Variants in FGL1 observed in about 807,000 individuals in gnomAD.
FGL1 encodes the protein fibrinogen like 1.
A neutral mutation model predicts 43.7 loss-of-function variants in FGL1; 59 were observed. The observed-to-expected ratio is 1.35, with a 90% CI of 1.10 to 1.68. The LOEUF is 1.68. Among genes scored for constraint, FGL1 ranks in the 40% most tolerant of loss-of-function variants. The pLI, the probability that FGL1 is intolerant of heterozygous loss-of-function variation, is 0.00. For missense variants in FGL1, 596 were observed against 373.0 expected, an observed-to-expected ratio of 1.60 and a Z score of -4.92; for synonymous variants, 192 against 126.5, an observed-to-expected ratio of 1.52 and a Z score of -3.48.
Position 17,895,315 on chromosome 8 carries a change from C to T in FGL1, c.-18+132G>A, listed in dbSNP as rs188305947. On this transcript the variant is annotated intron_variant, in intron 1 of 7. Transcript: ENST00000427924. ...CTCTTCTCCAAGTAGCAGAAGCAGA[C>T]TCCTTGCTAGTCAACCTGACTTCTT... 6 of 1,122,632 alleles carry T rather than the reference C, an allele frequency of 5.3e-6. No individual in the cohort carries two copies. The South Asian group carries it at 1.0e-4, about 19-fold the overall frequency. The allele number at this position is 1,122,632 out of a possible 1,614,324, so 69.5% of individuals were successfully genotyped here.
At position 17,882,373 on chromosome 8, in the gene FGL1, G is replaced by A. The variant is rs532089290; in HGVS notation, c.64-194C>T. 1,171 of 493,642 alleles carry A rather than the reference G, an allele frequency of 2.4e-3. 7 individuals are homozygous for A. The highest frequency in any genetic ancestry group is 3.4e-3 in the Non-Finnish European group (971 of 282,708). 30.6% of individuals were successfully genotyped at this position (493,642 alleles called of 1,614,324 possible). ...AAGAATTGGAAATTATGGCTTATGC[G>A]AAAACTCCTGGACTCAAAAGATCAA... On this transcript the variant is annotated intron_variant, in intron 2 of 7. Coordinates refer to ENST00000427924, the MANE Select transcript of FGL1 (RefSeq NM_004467.4).
At chr8:17,892,604 T>G (rs1447221618) in intron 1 of FGL1, among the ~76,000 whole-genome samples, 1 of 152,226 alleles carries the variant, frequency 6.6e-6, no homozygotes, top group Non-Finnish European at 1.5e-5. Flanking sequence ...TTCTTCTGAC[T>G]GAAAATAACC....
chr8:17,876,182 A>G (rs530189346), intron 3 of FGL1, among the ~76,000 whole-genome samples: 44 of 152,278 alleles, frequency 2.9e-4, no homozygotes, highest in African/African-American at 1.0e-3. Context: ...TTAACAAAAA[A>G]TTTTTTTCTT....
intron 1 of FGL1, among the ~76,000 whole-genome samples, chr8:17,889,541 C>G (rs914336469): frequency 6.6e-6 from 1 of 152,186 alleles, no homozygotes; most frequent in East Asian, 1.9e-4. Flanking sequence ...CAGAGCGACA[C>G]TCCACCTCAA....
At chr8:17,877,129 T>C (rs893137296) in intron 3 of FGL1, among the ~76,000 whole-genome samples, 12 of 152,146 alleles carry the variant, frequency 7.9e-5, no homozygotes, top group Admixed American at 1.3e-4. Flanking sequence ...AAATATGAAC[T>C]TGATATTTAA....
At chr8:17,865,709 A>G (rs2053260507) in intron 7 of FGL1, among the ~76,000 whole-genome samples, 1 of 152,228 alleles carries the variant, frequency 6.6e-6, no homozygotes. Context: ...TTGTTATGAA[A>G]TTAATTGCCA....
In FGL1 at chr8:17,864,512, A is replaced by T; in HGVS notation, c.*80T>A. ...CTCACAACAGTTATCATGATTGCGC[A>T]TGGATATGTTCAGAATGAGTATTTT... On this transcript the variant is annotated 3_prime_UTR_variant, in exon 8 of 8. Coordinates refer to ENST00000427924, the MANE Select transcript of FGL1 (RefSeq NM_004467.4). 1 of 1,429,630 alleles carries T rather than the reference A, an allele frequency of 7.0e-7. No individual in the cohort carries two copies. The highest frequency in any genetic ancestry group is 1.4e-5 in the South Asian group (1 of 70,614). 88.6% of individuals were successfully genotyped at this position (1,429,630 alleles called of 1,614,324 possible). A position where few individuals can be genotyped will look rare whatever the true frequency, so the allele number is the denominator to read the frequency against.
intron 1 of FGL1, among the ~76,000 whole-genome samples, chr8:17,889,068 G>A (rs145277804): frequency 2.4e-3 from 359 of 152,190 alleles, no homozygotes; most frequent in African/African-American, 8.2e-3. Flanking sequence ...CGTGGCCTGG[G>A]GCATTATATA....
Position 17,871,377 on chromosome 8 carries a change from C to T in FGL1, c.503-2373G>A, listed in dbSNP as rs375282461. Among the ~76,000 whole-genome samples, 29 of 151,676 alleles carry T rather than the reference C, an allele frequency of 1.9e-4. No homozygotes were observed. The East Asian group carries it at 5.1e-3, about 26-fold the overall frequency. Reference sequence around the variant, plus strand: ...GGTGTGGTGGTGTGCGCCTATAATCCCAGCTACTCAGGAGGCTGAGGCATG... The same window carrying T: ...GGTGTGGTGGTGTGCGCCTATAATCTCAGCTACTCAGGAGGCTGAGGCATG... On this transcript the variant is annotated intron_variant, in intron 5 of 7. Coordinates refer to ENST00000427924, the MANE Select transcript of FGL1 (RefSeq NM_004467.4).
chr8:17,892,147 C>G (rs1681719686), intron 1 of FGL1, among the ~76,000 whole-genome samples: 1 of 151,974 alleles, frequency 6.6e-6, no homozygotes, highest in African/African-American at 2.4e-5. Context: ...CTTTAACTAT[C>G]TAATTTTAAA....
At chr8:17,875,540 T>C (rs1386682043) in intron 3 of FGL1, among the ~76,000 whole-genome samples, 374 of 12,604 alleles carry the variant, frequency 0.03, 12 homozygotes, top group Middle Eastern at 0.1. Context: ...TCTTTCTCTT[T>C]CTTTCTTTCT....
At chr8:17,868,190 G>A (rs527973505) in intron 7 of FGL1, 100 of 158,676 alleles carry the variant, frequency 6.3e-4, no homozygotes, top group Non-Finnish European at 9.2e-4. Context: ...GTGTGATATG[G>A]TCAGGTGAAG....
At chr8:17,869,277 T>C (rs917715847) in intron 5 of FGL1, among the ~76,000 whole-genome samples, 1 of 151,130 alleles carries the variant, frequency 6.6e-6, no homozygotes, top group African/African-American at 2.5e-5. Context: ...CACTGAATAA[T>C]GAACAACAGA....
At chr8:17,868,242 T>C in intron 7 of FGL1, 1 of 189,790 alleles carries the variant, frequency 5.3e-6, no homozygotes, top group Non-Finnish European at 1.1e-5. Flanking sequence ...TCCATATATA[T>C]ACATGCTCTC....
intron 1 of FGL1, among the ~76,000 whole-genome samples, chr8:17,887,185 G>A (rs2053640869): frequency 6.6e-6 from 1 of 152,022 alleles, no homozygotes; most frequent in Non-Finnish European, 1.5e-5. Context: ...CACTTTCCAG[G>A]CCAAAGAACA....
At chr8:17,866,488 T>C (rs9942825) in intron 7 of FGL1, among the ~76,000 whole-genome samples, 6,738 of 152,300 alleles carry the variant, frequency 0.044, 490 homozygotes, top group African/African-American at 0.15. Flanking sequence ...GTAGGCATGG[T>C]AGAAGTAGCA....
At chr8:17,892,051 T>A (rs1193651347) in intron 1 of FGL1, among the ~76,000 whole-genome samples, 2 of 152,220 alleles carry the variant, frequency 1.3e-5, no homozygotes, top group Admixed American at 1.3e-4. Flanking sequence ...GTTTTTAGTT[T>A]GACTCGTGTT....
At chr8:17,872,971 T>C (rs1361375040) in intron 5 of FGL1, among the ~76,000 whole-genome samples, 1 of 152,218 alleles carries the variant, frequency 6.6e-6, no homozygotes, top group South Asian at 2.1e-4. Context: ...AGTAAAATGT[T>C]AATGTAGGAT....
intron 6 of FGL1, 61 bp from the exon 7 acceptor site, chr8:17,868,796 G>A: frequency 6.6e-7 from 1 of 1,514,634 alleles, no homozygotes; most frequent in Non-Finnish European, 8.9e-7. Flanking sequence ...TTAAAATTAA[G>A]TTTATTTCAT....
Sources: gnomAD v4.1 joint callset for allele counts (sites outside exome capture counted in the v4.1 genomes callset) on GRCh38, gnomAD v4.1.1 for gene constraint, MANE v1.5 for transcripts, NCBI Gene and HGNC (gene_info 2026-07-23, HGNC 2026-07-21) for gene names.